GEN1: variants seen among roughly 807,000 people sequenced by gnomAD.
GEN1 encodes GEN1 structure-specific endonuclease, also known as flap endonuclease GEN homolog 1.
GEN1 carries 64 observed loss-of-function variants against 67.6 expected under a neutral mutation model. That is an observed-to-expected ratio of 0.95 (90% CI 0.77 to 1.17). GEN1 has a LOEUF of 1.17. Ranked by LOEUF, GEN1 falls within the 50% of genes most tolerant of loss-of-function variation. The pLI, the probability that GEN1 is intolerant of heterozygous loss-of-function variation, is 0.00. For synonymous variants in GEN1, 371 were observed against 359.4 expected (o/e 1.03, Z -0.37); for missense variants, 1,058 against 1,048.3 (o/e 1.01, Z -0.13).
rs368620605 is a variant in GEN1 at position 17,760,119 on chromosome 2, C to G, written c.161+15C>G. 41 of 1,611,740 alleles carry G rather than the reference C, an allele frequency of 2.5e-5. No homozygotes were observed. In the South Asian group the frequency reaches 2.6e-4, roughly 10 times the overall value. The stretch of plus-strand genomic sequence containing the variant: ...CCCCACCTCAGGTATAGTAAAAGCT[C>G]TTACAGTATAAATGTATGATGTATA... On this transcript the variant is annotated intron_variant, in intron 2 of 13. Transcript: ENST00000381254.
chr2:17,773,606 TG>T (rs1455492277), intron 10 of GEN1, among the ~76,000 whole-genome samples: 1 of 152,084 alleles, frequency 6.6e-6, no homozygotes, highest in African/African-American at 2.4e-5. Flanking sequence ...TATATAATTA[TG>T]GAAGGTAGTA....
At chr2:17,766,350 A>G (rs1370862799) in intron 4 of GEN1, among the ~76,000 whole-genome samples, 1 of 152,020 alleles carries the variant, frequency 6.6e-6, no homozygotes, top group Non-Finnish European at 1.5e-5. Flanking sequence ...TTGTATTTTT[A>G]GTAGAGATGG....
At chr2:17,756,891 T>G (rs545168466) in intron 1 of GEN1, among the ~76,000 whole-genome samples, 21 of 152,320 alleles carry the variant, frequency 1.4e-4, no homozygotes, top group Non-Finnish European at 2.9e-5. Flanking sequence ...GTTTTATGCT[T>G]TTACAGTCTT....
At chr2:17,778,930 CT>C (rs543005960) in intron 12 of GEN1, among the ~76,000 whole-genome samples, 25 of 151,476 alleles carry the variant, frequency 1.7e-4, no homozygotes, top group African/African-American at 5.6e-4. Context: ...AGTAATAATA[CT>C]TTTTTTTTGA....
At chr2:17,754,546 G>A (rs1171308151) in intron 1 of GEN1, 1 of 152,220 alleles carries the variant, frequency 6.6e-6, no homozygotes, top group Non-Finnish European at 1.5e-5. Flanking sequence ...AGGGCCCTGC[G>A]TCACCCCGCC....
intron 1 of GEN1, among the ~76,000 whole-genome samples, chr2:17,758,686 A>G (rs1671534944): frequency 6.6e-6 from 1 of 152,182 alleles, no homozygotes; most frequent in African/African-American, 2.4e-5. Context: ...AAATGAGTAC[A>G]CAGAATAATA....
At chr2:17,778,114 A>G (rs763626931) in intron 12 of GEN1, 51 bp downstream of exon 12, 6 of 941,930 alleles carry the variant, frequency 6.4e-6, no homozygotes, top group Admixed American at 1.8e-5. Context: ...TTGACCATGT[A>G]TGTCTAGTAA....
intron 5 of GEN1, among the ~76,000 whole-genome samples, chr2:17,767,508 A>G (rs1671985542): frequency 6.6e-6 from 1 of 152,212 alleles, no homozygotes; most frequent in Non-Finnish European, 1.5e-5. Flanking sequence ...TTATATCATC[A>G]AAGAACTTTT....
In GEN1 at chr2:17,754,364, G is replaced by A. The variant is rs1268487585; in HGVS notation, c.-16+19G>A. ...TGTCCGGGTAAGTCCCGCGGGACGT[G>A]GAGAGACGGCGCCGCCCGGGTCCTC... On this transcript the variant is annotated intron_variant, in intron 1 of 13. Coordinates refer to ENST00000381254, the MANE Select transcript of GEN1 (RefSeq NM_001130009.3). The A allele has an allele frequency of 6.6e-6, 1 of 152,224 alleles. No homozygotes were observed. The highest frequency in any genetic ancestry group is 1.5e-5 in the Non-Finnish European group (1 of 68,086). The allele number at this position is 152,224 out of a possible 1,614,324, so 9.4% of individuals were successfully genotyped here.
chr2:17,765,093 T>C lies in GEN1; in HGVS notation c.525+20T>C, dbSNP rs1370737877. The C allele has an allele frequency of 6.2e-7, 1 of 1,609,944 alleles. No homozygotes were observed. On this transcript the variant is annotated intron_variant, in intron 4 of 13. Transcript: ENST00000381254. Reference sequence around the variant, plus strand: ...ACAAAGGTGTTTATTTTCTTTCTCTTTTTCAGCATTTGTTTACGAACTACC... The same window carrying C: ...ACAAAGGTGTTTATTTTCTTTCTCTCTTTCAGCATTTGTTTACGAACTACC...
rs766301775 is a variant in GEN1, at chr2:17,766,597, T to C, written c.544T>C (p.Tyr182His). 3.6e-5 allele frequency: 57 copies of C among 1,594,778 alleles called. 4 individuals carry two copies. In the South Asian group the frequency reaches 6.2e-4, roughly 17 times the overall value. ...TCTTTAGGACCCACATGTTGACTGT[T>C]ACACAATGTCATCTATCAAGAGTAA... ...MNTKDPHVDC[Y>H]TMSSIKSKLG... Residue 182 changes from tyrosine (Y) to histidine (H), a missense_variant, in exon 5 of 14, where the codon TAC (tyrosine) becomes CAC (histidine). Coordinates refer to ENST00000381254, the MANE Select transcript of GEN1 (RefSeq NM_001130009.3).
rs1247070841 is a variant in GEN1, at chr2:17,778,311, TATAC to T, written c.1264+250_1264+253del. On this transcript the variant is annotated intron_variant, in intron 12 of 13. Coordinates refer to ENST00000381254, the MANE Select transcript of GEN1 (RefSeq NM_001130009.3). ...ACACATGTGTGTGTACATATATGTA[TATAC>T]ACACACACGTGTACATATATGTATA... is the stretch of plus-strand genomic sequence containing the variant. Among the ~76,000 whole-genome samples the T allele has an allele frequency of 5.3e-3, 239 of 44,928 alleles. 18 individuals are homozygous for T. Among genetic ancestry groups the T allele is most frequent in the African/African-American group, 0.015 (161 of 10,828 alleles). 29.5% of individuals were successfully genotyped at this position (44,928 alleles called of 152,430 possible). A position where few individuals can be genotyped will look rare whatever the true frequency, so the allele number is the denominator to read the frequency against.
chr2:17,754,013 C>A (rs1671260303), upstream of GEN1: 2 of 152,322 alleles, frequency 1.3e-5, no homozygotes, highest in South Asian at 4.1e-4. Flanking sequence ...TGAGCGCCCC[C>A]GGCAGCTGGT....
rs1558416156 is a variant in GEN1, at chr2:17,783,014, C to G, written c.*1075C>G. ...ACTGATAAAGCGAGTTCATCCAGGT[C>G]GTAGAATACAAGACCAATGTGCAAT... is the stretch of plus-strand genomic sequence containing the variant. On this transcript the variant is annotated 3_prime_UTR_variant, in exon 14 of 14. Transcript: ENST00000381254. 6.6e-6 allele frequency: 1 copy of G among 151,938 alleles called. No homozygotes were observed. Among genetic ancestry groups the G allele is most frequent in the Admixed American group, 6.6e-5 (1 of 15,240 alleles). 9.4% of individuals were successfully genotyped at this position (151,938 alleles called of 1,614,324 possible). A position where few individuals can be genotyped will look rare whatever the true frequency, so the allele number is the denominator to read the frequency against.
intron 1 of GEN1, among the ~76,000 whole-genome samples, chr2:17,758,538 A>C (rs574950960): frequency 1.3e-5 from 2 of 152,354 alleles, no homozygotes; most frequent in Non-Finnish European, 2.9e-5. Flanking sequence ...ACAATGGTAC[A>C]TTCAACCAGT....
In GEN1 at chr2:17,782,728, C is replaced by T. The variant is rs1248861872; in HGVS notation, c.*789C>T. 6.6e-6 allele frequency: 1 copy of T among 152,212 alleles called. No homozygotes were observed. The highest frequency in any genetic ancestry group is 1.5e-5 in the Non-Finnish European group (1 of 68,032). The allele number at this position is 152,212 out of a possible 1,614,324, so 9.4% of individuals were successfully genotyped here. The stretch of plus-strand genomic sequence containing the variant: ...AACTAGCCCAGGATCACGTAGCTAA[C>T]TAATAATCCTGTGGGAATCAGTTTT... On this transcript the variant is annotated 3_prime_UTR_variant, in exon 14 of 14. Coordinates refer to ENST00000381254, the MANE Select transcript of GEN1 (RefSeq NM_001130009.3).
chr2:17,753,347 A>ACGGCCGCCTGGGAGGGGC, upstream of GEN1, among the ~76,000 whole-genome samples: 2 of 152,216 alleles, frequency 1.3e-5, no homozygotes, highest in African/African-American at 2.4e-5. Flanking sequence ...CTGGGAGGGG[A>ACGGCCGCCTGGGAGGGGC]CGGCCGCCTG....
At chr2:17,779,480 A>C in intron 12 of GEN1, among the ~76,000 whole-genome samples, 1 of 152,278 alleles carries the variant, frequency 6.6e-6, no homozygotes, top group Non-Finnish European at 1.5e-5. Flanking sequence ...GGCAAAAAGA[A>C]AATAAATTAT....
chr2:17,781,397 C>T lies in GEN1; in HGVS notation c.2185C>T (p.Gln729Ter). Residue 729 changes from glutamine to a stop codon, truncating the protein, a stop_gained, in exon 14 of 14, where the codon CAA (glutamine) becomes TAA (stop). Coordinates refer to ENST00000381254, the MANE Select transcript of GEN1 (RefSeq NM_001130009.3). LOFTEE classifies it low-confidence loss of function (END_TRUNC). Reference sequence around the variant, plus strand: ...AAAGGATCTTCCAGGAATTCCCTTGCAAAATGAATCCAGAGACTCTAAAAT... The same window carrying T: ...AAAGGATCTTCCAGGAATTCCCTTGTAAAATGAATCCAGAGACTCTAAAAT... ...LSKDLPGIPL[Q>*]NESRDSKILK... 1 of 1,613,774 alleles carries T rather than the reference C, an allele frequency of 6.2e-7. No individual in the cohort carries two copies. Among genetic ancestry groups the T allele is most frequent in the Non-Finnish European group, 8.5e-7 (1 of 1,179,894 alleles).
Sources: allele counts gnomAD v4.1 joint callset (sites outside exome capture counted in the v4.1 genomes callset), GRCh38; gene constraint gnomAD v4.1.1; transcripts MANE v1.5; gene names NCBI Gene and HGNC (gene_info 2026-07-23, HGNC 2026-07-21).